Variants in USP46 observed in about 807,000 individuals in gnomAD.
The protein encoded by USP46 is ubiquitin specific peptidase 46.
Under a neutral mutation model 44.4 loss-of-function variants are expected in USP46, and 12 were observed. The ratio of observed to expected loss-of-function variants is 0.27; its 90% CI spans 0.17 to 0.44. The LOEUF (loss-of-function observed/expected upper bound fraction) is 0.44, where lower values mean the gene tolerates loss of function less well. Ranked by LOEUF, USP46 falls within the 20% of genes least tolerant of loss-of-function variation. USP46 has a pLI of 1.00. For synonymous variants in USP46, 155 were observed against 161.5 expected (o/e 0.96, Z 0.31); for missense variants, 248 against 444.8 (o/e 0.56, Z 3.98).
At position 52,593,171 on chromosome 4, in the gene USP46, A is replaced by T. The variant is rs1041250971; in HGVS notation, c.*4469T>A. The T allele has an allele frequency of 7.9e-6, 3 of 380,494 alleles. No homozygotes were observed. Among genetic ancestry groups the T allele is most frequent in the African/African-American group, 2.1e-5 (1 of 48,270 alleles). 23.6% of individuals were successfully genotyped at this position (380,494 alleles called of 1,614,324 possible). The stretch of plus-strand genomic sequence containing the variant: ...AGTAAAGGTATTTTAAGTATCAATA[A>T]AAAGAGAGGAAAGGAAATTTGAAGA... On this transcript the variant is annotated 3_prime_UTR_variant, in exon 9 of 9. Transcript: ENST00000441222.
chr4:52,632,994 G>A (rs200853734), intron 1 of USP46, among the ~76,000 whole-genome samples: 8 of 91,316 alleles, frequency 8.8e-5, no homozygotes, highest in South Asian at 4.1e-4. Context: ...GAAAAGAAAA[G>A]AAAGAAAGAA....
chr4:52,627,846 T>C, intron 3 of USP46, 104 bp downstream of exon 3: 1 of 1,273,888 alleles, frequency 7.8e-7, no homozygotes, highest in Non-Finnish European at 1.1e-6. Context: ...CCATGCTTAT[T>C]TTCCCTTTTC....
rs377477301 is a variant in USP46, at chr4:52,601,808, G to C, written c.920+49C>G. ...GCAGCTGGGTATACTTCAGCGAAGA[G>C]GCAACCCTTACACTTACCCTGTATA... On this transcript the variant is annotated intron_variant, in intron 7 of 8. Transcript: ENST00000441222. The C allele has an allele frequency of 3.8e-6, 6 of 1,568,576 alleles. No individual in the cohort carries two copies. The South Asian group carries it at 6.1e-5, about 16-fold the overall frequency.
At position 52,598,717 on chromosome 4, in the gene USP46, AC is replaced by A. The variant is rs1171892358; in HGVS notation, c.921-12del. 4 of 1,599,716 alleles carry A rather than the reference AC, an allele frequency of 2.5e-6. No homozygotes were observed. The African/African-American group carries it at 5.4e-5, about 21-fold the overall frequency. On this transcript the variant is annotated splice_polypyrimidine_tract_variant and intron_variant, in intron 7 of 8. Coordinates refer to ENST00000441222, the MANE Select transcript of USP46 (RefSeq NM_022832.4). ...CCACGATTAGGACCACTGGAAAAGA[AC>A]AAATAAAAGGCAGTTAGCAAGTTAA...
intron 5 of USP46, among the ~76,000 whole-genome samples, chr4:52,609,985 G>A (rs926437444): frequency 1.7e-5 from 2 of 118,980 alleles, no homozygotes; most frequent in African/African-American, 6.6e-5. Flanking sequence ...GAGTGCAGTG[G>A]CGCGATCTCG....
At position 52,604,440 on chromosome 4, in the gene USP46, G is replaced by GCC. The variant is rs770076090; in HGVS notation, c.722+59_722+60dup. 758 of 1,405,978 alleles carry GCC rather than the reference G, an allele frequency of 5.4e-4. 2 individuals are homozygous for GCC. Among genetic ancestry groups the GCC allele is most frequent in the Non-Finnish European group, 6.8e-4 (680 of 1,004,424 alleles). 87.1% of individuals were successfully genotyped at this position (1,405,978 alleles called of 1,614,324 possible). On this transcript the variant is annotated intron_variant, in intron 6 of 8. Transcript: ENST00000441222. ...ATTGATTCAAAGCCAACCCTGCTGGGCCCCACAGTCGGGATCCTTCTCACC... is the reference window on the plus strand; with the variant it reads ...ATTGATTCAAAGCCAACCCTGCTGGGCCCCCCACAGTCGGGATCCTTCTCACC...
At chr4:52,607,304 C>G (rs1428590488) in intron 5 of USP46, among the ~76,000 whole-genome samples, 2 of 152,116 alleles carry the variant, frequency 1.3e-5, no homozygotes, top group Non-Finnish European at 2.9e-5. Context: ...GGCGAGGACC[C>G]CAGCAGTAAA....
intron 1 of USP46, among the ~76,000 whole-genome samples, chr4:52,656,098 T>C (rs1259334821): frequency 6.6e-6 from 1 of 152,200 alleles, no homozygotes; most frequent in East Asian, 1.9e-4. Flanking sequence ...AGAAAAATGG[T>C]ACCTTCTAAT....
intron 1 of USP46, among the ~76,000 whole-genome samples, chr4:52,646,451 T>C (rs1161619267): frequency 1.3e-5 from 2 of 152,206 alleles, no homozygotes; most frequent in Non-Finnish European, 2.9e-5. Context: ...ATGAGTAAGT[T>C]GTTCTTTACA....
At position 52,659,212 on chromosome 4, in the gene USP46, A is replaced by C. The variant is rs1235681784; in HGVS notation, c.-62T>G. 1.1e-5 allele frequency: 15 copies of C among 1,396,538 alleles called. No individual in the cohort carries two copies. Among genetic ancestry groups the C allele is most frequent in the Non-Finnish European group, 1.4e-5 (15 of 1,057,546 alleles). The allele number at this position is 1,396,538 out of a possible 1,614,324, so 86.5% of individuals were successfully genotyped here. On this transcript the variant is annotated 5_prime_UTR_variant, in exon 1 of 9. The change abolishes an upstream ATG in the 5' untranslated region. Coordinates refer to ENST00000441222, the MANE Select transcript of USP46 (RefSeq NM_022832.4). This position sits in a 1 kb window ranked among gnomAD's most constrained non-coding sequence, Gnocchi z 4.2. ...TTACAAGGGGAAACCGGGACTGCCC[A>C]TGGTGGCGCGCTGGCGGGGAGGCCG...
intron 1 of USP46, among the ~76,000 whole-genome samples, chr4:52,654,807 T>G (rs1203767437): frequency 1.3e-5 from 2 of 152,232 alleles, no homozygotes; most frequent in African/African-American, 4.8e-5. Context: ...CAATACAGTT[T>G]TAAACAAGGT....
chr4:52,604,670 G>T, intron 5 of USP46, 86 bp from the exon 6 acceptor site: 2 of 860,642 alleles, frequency 2.3e-6, no homozygotes, highest in Non-Finnish European at 3.5e-6. Context: ...AACCTGTAGG[G>T]TAATTTTTAA....
intron 1 of USP46, among the ~76,000 whole-genome samples, chr4:52,640,220 G>T (rs1322448825): frequency 1.3e-5 from 2 of 152,126 alleles, no homozygotes; most frequent in Admixed American, 6.5e-5. Flanking sequence ...ATGTTACAGA[G>T]TAATAACGTG....
intron 3 of USP46, among the ~76,000 whole-genome samples, chr4:52,626,696 C>T (rs1717604974): frequency 6.6e-6 from 1 of 152,174 alleles, no homozygotes; most frequent in South Asian, 2.1e-4. Context: ...CAGGCAGCTT[C>T]AATGAGTAAG....
chr4:52,596,061 C>T lies in USP46; in HGVS notation c.*1579G>A, dbSNP rs540603172. ...ACATTTCACTTCAAGCATAAACAAACGAAATGTTGGCATGCTTACTTAAGT... is the reference window on the plus strand; with the variant it reads ...ACATTTCACTTCAAGCATAAACAAATGAAATGTTGGCATGCTTACTTAAGT... On this transcript the variant is annotated 3_prime_UTR_variant, in exon 9 of 9. Transcript: ENST00000441222. 2 of 152,658 alleles carry T rather than the reference C, an allele frequency of 1.3e-5. No homozygotes were observed. The highest frequency in any genetic ancestry group is 6.5e-5 in the Admixed American group (1 of 15,284). 9.5% of individuals were successfully genotyped at this position (152,658 alleles called of 1,614,324 possible).
chr4:52,627,879 T>C, intron 3 of USP46, 71 bp downstream of exon 3: 1 of 1,466,650 alleles, frequency 6.8e-7, no homozygotes, highest in Non-Finnish European at 9.1e-7. Flanking sequence ...GCTCTTCCTT[T>C]TGAGGAGATA....
chr4:52,603,886 T>C (rs945180028), intron 6 of USP46, among the ~76,000 whole-genome samples: 2 of 152,134 alleles, frequency 1.3e-5, no homozygotes, highest in Non-Finnish European at 2.9e-5. Context: ...GGTTTCACCA[T>C]GTTGGCCAGG....
chr4:52,614,046 A>T (rs1026985670), intron 4 of USP46, among the ~76,000 whole-genome samples: 1 of 152,240 alleles, frequency 6.6e-6, no homozygotes, highest in Non-Finnish European at 1.5e-5. Flanking sequence ...TGAAAAACAC[A>T]ATACATTGAA....
At chr4:52,598,361 A>C (rs940436073) in intron 8 of USP46, among the ~76,000 whole-genome samples, 2 of 152,218 alleles carry the variant, frequency 1.3e-5, no homozygotes, top group African/African-American at 4.8e-5. Flanking sequence ...CTTAGACTGA[A>C]GTCTGATTTA....
Sources: allele counts gnomAD v4.1 joint callset (sites outside exome capture counted in the v4.1 genomes callset), GRCh38; gene constraint gnomAD v4.1.1; non-coding constraint Gnocchi (gnomAD v3.1); transcripts MANE v1.5; gene names NCBI Gene and HGNC (gene_info 2026-07-23, HGNC 2026-07-21).